PAPPA2: variants seen among roughly 807,000 people sequenced by gnomAD.
The protein encoded by PAPPA2 is pappalysin-2.
Under a neutral mutation model 176.4 loss-of-function variants are expected in PAPPA2, and 86 were observed. The ratio of observed to expected loss-of-function variants is 0.49; its 90% CI spans 0.41 to 0.58. PAPPA2 has a LOEUF of 0.58. PAPPA2 is among the 20% of genes least tolerant of loss of function. PAPPA2 has a pLI of 0.00. For missense variants in PAPPA2, 2,073 were observed against 2,256.9 expected, an observed-to-expected ratio of 0.92 and a Z score of 1.65; for synonymous variants, 809 against 852.2, an observed-to-expected ratio of 0.95 and a Z score of 0.88.
At chr1:176,697,499 A>G (rs1395660584) in intron 7 of PAPPA2, among the ~76,000 whole-genome samples, 1 of 152,248 alleles carries the variant, frequency 6.6e-6, no homozygotes, top group African/African-American at 2.4e-5. Flanking sequence ...AATATACACT[A>G]TAAGAGTAAT....
intron 2 of PAPPA2, among the ~76,000 whole-genome samples, chr1:176,558,165 C>T (rs1651439073): frequency 6.6e-6 from 1 of 152,190 alleles, no homozygotes; most frequent in Admixed American, 6.5e-5. Context: ...TTCCCCATGA[C>T]AGAACCTAAC....
chr1:176,785,624 G>T (rs189598198), intron 17 of PAPPA2, among the ~76,000 whole-genome samples: 32 of 152,242 alleles, frequency 2.1e-4, no homozygotes, highest in African/African-American at 7.7e-4. Context: ...TGGGTCCGGT[G>T]TAACTGTTCT....
At chr1:176,759,095 G>A (rs1663572526) in intron 14 of PAPPA2, among the ~76,000 whole-genome samples, 1 of 152,212 alleles carries the variant, frequency 6.6e-6, no homozygotes, top group African/African-American at 2.4e-5. Flanking sequence ...GTGTAGTACA[G>A]ATGCCAGTTT....
At chr1:176,470,462 C>T (rs949466938) in intron 1 of PAPPA2, among the ~76,000 whole-genome samples, 7 of 152,078 alleles carry the variant, frequency 4.6e-5, no homozygotes, top group Non-Finnish European at 1.0e-4. Flanking sequence ...CCTTTCTAGA[C>T]CTAAAAGCTG....
intron 21 of PAPPA2, among the ~76,000 whole-genome samples, chr1:176,834,594 C>G (rs554357964): frequency 6.6e-6 from 1 of 152,298 alleles, no homozygotes; most frequent in Non-Finnish European, 1.5e-5. Context: ...GGGGAATACA[C>G]CAAGCCCCAA....
chr1:176,797,939 T>A (rs1396251777), intron 20 of PAPPA2, among the ~76,000 whole-genome samples: 5 of 152,210 alleles, frequency 3.3e-5, no homozygotes, highest in African/African-American at 1.2e-4. Context: ...ATATCATAAT[T>A]AGTGGCTGGC....
intron 21 of PAPPA2, among the ~76,000 whole-genome samples, chr1:176,820,232 G>A (rs981489637): frequency 1.3e-5 from 2 of 152,036 alleles, no homozygotes; most frequent in African/African-American, 4.8e-5. Flanking sequence ...TAAGCCTTTT[G>A]GTTCCAGTAG....
chr1:176,716,407 G>A (rs1484770261), intron 12 of PAPPA2, among the ~76,000 whole-genome samples: 6 of 150,840 alleles, frequency 4.0e-5, no homozygotes, highest in East Asian at 2.0e-4. Context: ...CATTATGCCC[G>A]GCTAATTTTT....
intron 20 of PAPPA2, among the ~76,000 whole-genome samples, chr1:176,799,166 G>T (rs1054170305): frequency 1.3e-5 from 2 of 152,112 alleles, no homozygotes; most frequent in African/African-American, 4.8e-5. Context: ...AGGGTGGGTT[G>T]GTAGCAGGCT....
intron 12 of PAPPA2, among the ~76,000 whole-genome samples, chr1:176,717,431 G>A (rs1409576598): frequency 1.3e-5 from 2 of 152,182 alleles, no homozygotes; most frequent in South Asian, 2.1e-4. Flanking sequence ...AGAAAGTTCT[G>A]AATAGCCATC....
At chr1:176,720,799 A>G (rs1661580660) in intron 12 of PAPPA2, among the ~76,000 whole-genome samples, 3 of 152,160 alleles carry the variant, frequency 2.0e-5, no homozygotes, top group Non-Finnish European at 2.9e-5. Context: ...CCTCAGAACC[A>G]AGGAAGCCAA....
rs540694699 is a variant in PAPPA2 at position 176,840,233 on chromosome 1, G to A, written c.5263G>A (p.Gly1755Arg). 9 of 1,612,934 alleles carry A rather than the reference G, an allele frequency of 5.6e-6. No individual in the cohort carries two copies. Among genetic ancestry groups the A allele is most frequent in the South Asian group, 3.3e-5 (3 of 91,052 alleles). The change falls in exon 22 of 23, where the codon GGG becomes AGG. Residue 1755 changes from glycine (G) to arginine (R), a missense_variant. By Grantham distance (125) the Gly-to-Arg change is moderately radical (BLOSUM62 -2). This residue lies in a region of PAPPA2 where 27 missense variants were observed against 52.1 expected (regional missense o/e 0.52). Transcript: ENST00000367662. ...INNRAYCHYD[G>R]GDCCSSTLSS... ...CAACCGAGCCTACTGCCACTATGACGGGGGAGACTGCTGCTCTTCCACACT... is the reference window on the plus strand; with the variant it reads ...CAACCGAGCCTACTGCCACTATGACAGGGGAGACTGCTGCTCTTCCACACT...
chr1:176,634,985 AG>A (rs1656609402), intron 3 of PAPPA2, among the ~76,000 whole-genome samples: 2 of 151,720 alleles, frequency 1.3e-5, no homozygotes, highest in Admixed American at 1.3e-4. Context: ...ATAGATAGAT[AG>A]ATAGATAGAT....
At chr1:176,616,569 G>GCAC in intron 3 of PAPPA2, 5 of 1,469,638 alleles carry the variant, frequency 3.4e-6, no homozygotes, top group Non-Finnish European at 4.7e-6. Context: ...GGATGGTGGT[G>GCAC]CACCATCACC....
chr1:176,668,127 C>G (rs1044463690), intron 3 of PAPPA2, among the ~76,000 whole-genome samples: 1 of 152,174 alleles, frequency 6.6e-6, no homozygotes, highest in Non-Finnish European at 1.5e-5. Flanking sequence ...CATGTCAGAA[C>G]TAACAAGCTT....
In PAPPA2 at chr1:176,809,951, AGTGTGTGTGTGTGTGTGTGT is replaced by A. The variant is rs55858181; in HGVS notation, c.5202+9850_5202+9869del. On this transcript the variant is annotated intron_variant, in intron 21 of 22. Transcript: ENST00000367662. ...TCTCCTTATTTTTAGGACAAGATGCAGTGTGTGTGTGTGTGTGTGTGTGTGTGTGTGTGTGTGTGTGTGTG... is the reference window on the plus strand; with the variant it reads ...TCTCCTTATTTTTAGGACAAGATGCAGTGTGTGTGTGTGTGTGTGTGTGTG... 2.7e-4 allele frequency among the ~76,000 whole-genome samples: 36 copies of A among 133,794 alleles called. No individual in the cohort carries two copies. The South Asian group carries it at 3.6e-3, about 13-fold the overall frequency. 87.8% of individuals were successfully genotyped at this position (133,794 alleles called of 152,430 possible).
intron 2 of PAPPA2, among the ~76,000 whole-genome samples, chr1:176,583,607 GTTTA>G (rs1158463203): frequency 6.6e-6 from 1 of 151,880 alleles, no homozygotes; most frequent in Admixed American, 6.6e-5. Flanking sequence ...TATTTTATTT[GTTTA>G]TTTATTTTTT....
In PAPPA2 at chr1:176,776,447, C is replaced by T. The variant is rs191043019; in HGVS notation, c.4715+5267C>T. Among the ~76,000 whole-genome samples, 289 of 152,254 alleles carry T rather than the reference C, an allele frequency of 1.9e-3. 7 individuals carry two copies. Among genetic ancestry groups the T allele is most frequent in the Non-Finnish European group, 9.1e-4 (62 of 68,024 alleles). On this transcript the variant is annotated intron_variant, in intron 17 of 22. Coordinates refer to ENST00000367662, the MANE Select transcript of PAPPA2 (RefSeq NM_020318.3). The stretch of plus-strand genomic sequence containing the variant: ...CCACAGCATCAACTTTTCCAAAGTA[C>T]GTAAATCTGTTTAAGTTCTATAAAC...
intron 2 of PAPPA2, among the ~76,000 whole-genome samples, chr1:176,560,374 G>A (rs907392740): frequency 7.2e-5 from 11 of 152,210 alleles, no homozygotes; most frequent in Admixed American, 5.9e-4. Flanking sequence ...AGGACAACAC[G>A]GAGCTCACAG....
Sources: gnomAD v4.1 joint callset for allele counts (sites outside exome capture counted in the v4.1 genomes callset) on GRCh38, gnomAD v4.1.1 for gene constraint, gnomAD v4.1.1 regional missense constraint, MANE v1.5 for transcripts, NCBI Gene and HGNC (gene_info 2026-07-23, HGNC 2026-07-21) for gene names.